ZNF516: variants seen among roughly 807,000 people sequenced by gnomAD.
ZNF516 encodes zinc finger protein 516.
A neutral mutation model predicts 79.7 loss-of-function variants in ZNF516; 19 were observed. The observed-to-expected ratio is 0.24, with a 90% confidence interval of 0.17 to 0.35. ZNF516 has a LOEUF of 0.35. Ranked by LOEUF, ZNF516 falls within the 10% of genes least tolerant of loss-of-function variation. The pLI is 1.00. For missense variants in ZNF516, 1,678 were observed against 1,679.5 expected, an observed-to-expected ratio of 1.00 and a Z score of 0.02; for synonymous variants, 877 against 739.5, an observed-to-expected ratio of 1.19 and a Z score of -3.02.
rs996763109 is a variant in ZNF516, at chr18:76,459,528, G to A, written c.-158+3500C>T. 1.3e-5 allele frequency among the ~76,000 whole-genome samples: 2 copies of A among 152,230 alleles called. No homozygotes were observed. Among genetic ancestry groups the A allele is most frequent in the Admixed American group, 6.5e-5 (1 of 15,290 alleles). ...ACGTGGCGGCCGTGTGCACCCCATC[G>A]GGCACCGCGTCGCCTCCCTCGGAAT... On this transcript the variant is annotated intron_variant, in intron 2 of 6. Transcript: ENST00000443185. The surrounding 1 kb of genome is among the most constrained non-coding windows in gnomAD (Gnocchi z 5.0).
chr18:76,434,597 C>T (rs1367936003), intron 3 of ZNF516, among the ~76,000 whole-genome samples: 1 of 152,248 alleles, frequency 6.6e-6, no homozygotes, highest in Non-Finnish European at 1.5e-5. Context: ...CACAGGACTT[C>T]TGCACAGAGT....
At chr18:76,453,250 C>T (rs1912524904) in intron 2 of ZNF516, among the ~76,000 whole-genome samples, 1 of 152,186 alleles carries the variant, frequency 6.6e-6, no homozygotes, top group Non-Finnish European at 1.5e-5. Flanking sequence ...GCTTCTGGAG[C>T]AGCCAGCATT....
intron 1 of ZNF516, among the ~76,000 whole-genome samples, chr18:76,478,960 G>A (rs1034030784): frequency 2.0e-5 from 3 of 152,014 alleles, no homozygotes; most frequent in Admixed American, 2.0e-4. Flanking sequence ...GGAGACTGAG[G>A]CACAAGAATC....
chr18:76,364,443 G>C (rs2074584022), intron 6 of ZNF516, among the ~76,000 whole-genome samples: 1 of 152,168 alleles, frequency 6.6e-6, no homozygotes, highest in African/African-American at 2.4e-5. Flanking sequence ...CTTCCTGGAA[G>C]GGAAAGAGTA....
Position 76,442,355 on chromosome 18 carries a change from C to A in ZNF516, c.700G>T (p.Ala234Ser), listed in dbSNP as rs990263388. 6.2e-7 allele frequency: 1 copy of A among 1,609,826 alleles called. No individual in the cohort carries two copies. The highest frequency in any genetic ancestry group is 8.5e-7 in the Non-Finnish European group (1 of 1,179,188). Residue 234 changes from alanine to serine, a missense_variant, in exon 3 of 7, where the codon GCC becomes TCC. Ala to Ser is a moderately conservative substitution (Grantham distance 99). Around this residue, in one of 5 missense-constraint regions of ZNF516, gnomAD observed 279 missense variants for 254.1 expected, o/e 1.10. Transcript: ENST00000443185. ...ITAQGPGSGEACVENGKPELS... is the reference protein window; with the variant it reads ...ITAQGPGSGESCVENGKPELS... ...TCGGGCTTGCCGTTCTCCACGCAGG[C>A]CTCGCCGCTGCCGGGCCCCTGCGCG...
upstream of ZNF516, chr18:76,495,928 A>C: frequency 3.1e-6 from 1 of 327,100 alleles, no homozygotes; most frequent in Non-Finnish European, 5.4e-6. Context: ...GACTTCAAAC[A>C]GCGGCTCTGC....
At chr18:76,461,742 G>A (rs928439387) in intron 2 of ZNF516, among the ~76,000 whole-genome samples, 2 of 152,218 alleles carry the variant, frequency 1.3e-5, no homozygotes, top group Non-Finnish European at 2.9e-5. Flanking sequence ...CAGCAGTACC[G>A]AAAATATGCA....
At chr18:76,369,289 A>G (rs1393424997) in intron 6 of ZNF516, among the ~76,000 whole-genome samples, 1 of 152,262 alleles carries the variant, frequency 6.6e-6, no homozygotes, top group Non-Finnish European at 1.5e-5. Flanking sequence ...GTATTGGGTA[A>G]CTATGGGTTT....
chr18:76,491,744 C>G (rs1178866697), intron 1 of ZNF516: 1 of 152,400 alleles, frequency 6.6e-6, no homozygotes, highest in Non-Finnish European at 1.5e-5. Flanking sequence ...CGCTCTCGCC[C>G]CCGGCCCCTG....
intron 3 of ZNF516, among the ~76,000 whole-genome samples, chr18:76,402,152 C>A (rs1689681915): frequency 6.6e-6 from 1 of 152,186 alleles, no homozygotes; most frequent in Non-Finnish European, 1.5e-5. Context: ...GAAGACATCG[C>A]CTCGGTCAAC....
At chr18:76,365,143 T>G (rs1414245906) in intron 6 of ZNF516, among the ~76,000 whole-genome samples, 1 of 152,244 alleles carries the variant, frequency 6.6e-6, no homozygotes, top group East Asian at 1.9e-4. Context: ...ACAAATTAGG[T>G]CGCCATTTGT....
chr18:76,480,352 A>G (rs1914437779), intron 1 of ZNF516, among the ~76,000 whole-genome samples: 1 of 152,078 alleles, frequency 6.6e-6, no homozygotes, highest in South Asian at 2.1e-4. Flanking sequence ...CGTGCATGGT[A>G]CTTCTCTTGG....
At chr18:76,448,907 G>A (rs796142188) in intron 2 of ZNF516, among the ~76,000 whole-genome samples, 1 of 152,192 alleles carries the variant, frequency 6.6e-6, no homozygotes. Context: ...AAGGCCAGGA[G>A]GGAAGCGATT....
chr18:76,416,452 A>G (rs749311810), intron 3 of ZNF516, among the ~76,000 whole-genome samples: 2 of 152,262 alleles, frequency 1.3e-5, no homozygotes, highest in African/African-American at 2.4e-5. Context: ...CCAAGGAGGT[A>G]TAAGTTATCC....
chr18:76,492,398 G>A (rs35399883), intron 1 of ZNF516: 1 of 980,368 alleles, frequency 1.0e-6, no homozygotes, highest in Non-Finnish European at 1.2e-6. Context: ...CCCATTGTGC[G>A]GGTCAGACGC....
At chr18:76,431,035 T>C (rs1319989397) in intron 3 of ZNF516, among the ~76,000 whole-genome samples, 1 of 152,220 alleles carries the variant, frequency 6.6e-6, no homozygotes, top group East Asian at 1.9e-4. Flanking sequence ...TTTAAAATTC[T>C]AGTAAAATAC....
chr18:76,381,499 C>G (rs547347113), intron 3 of ZNF516, among the ~76,000 whole-genome samples: 11 of 152,314 alleles, frequency 7.2e-5, no homozygotes, highest in Non-Finnish European at 1.2e-4. Flanking sequence ...ATGGAGGGAT[C>G]TGCTAACTCA....
intron 1 of ZNF516, among the ~76,000 whole-genome samples, chr18:76,484,330 A>T (rs191934134): frequency 4.1e-4 from 63 of 152,378 alleles, no homozygotes; most frequent in African/African-American, 1.3e-3. Context: ...TATAACACAT[A>T]TATGATTGTC....
At chr18:76,428,816 A>C (rs1247245418) in intron 3 of ZNF516, among the ~76,000 whole-genome samples, 1 of 152,254 alleles carries the variant, frequency 6.6e-6, no homozygotes, top group African/African-American at 2.4e-5. Flanking sequence ...CTTCCTCACC[A>C]TCGGGATTTC....
Sources: gnomAD v4.1 joint callset for allele counts (sites outside exome capture counted in the v4.1 genomes callset) on GRCh38, gnomAD v4.1.1 for gene constraint, gnomAD v4.1.1 regional missense constraint, Gnocchi (gnomAD v3.1) non-coding constraint, MANE v1.5 for transcripts, NCBI Gene and HGNC (gene_info 2026-07-23, HGNC 2026-07-21) for gene names.